PTPRS: variants seen among roughly 807,000 people sequenced by gnomAD.
PTPRS encodes receptor-type tyrosine-protein phosphatase S.
A neutral mutation model predicts 215.3 loss-of-function variants in PTPRS; 63 were observed. The observed-to-expected ratio is 0.29, with a 90% CI of 0.24 to 0.36. The LOEUF is 0.36. PTPRS is among the 10% of genes least tolerant of loss of function. The pLI is 1.00. For missense variants in PTPRS, 2,258 were observed against 2,825.8 expected, an observed-to-expected ratio of 0.80 and a Z score of 4.56; for synonymous variants, 1,404 against 1,191.4, an observed-to-expected ratio of 1.18 and a Z score of -3.68.
rs760172583 is a variant in PTPRS, at chr19:5,239,034, G to A, written c.1734C>T (p.Ser578=). ...TGGGCTTCAGGTCCTCCACCACGTA[G>A]GAAGTCGTCGGGTCGAAGGTCCTTC... The part of the protein sequence containing the change: ...EVGRTFDPTT[S]YVVEDLKPNT... Residue 578 remains serine, a synonymous_variant, in exon 13 of 38, where the codon TCC becomes TCT. Transcript: ENST00000262963. The A allele has an allele frequency of 4.3e-6, 7 of 1,613,516 alleles. No individual in the cohort carries two copies. In the East Asian group the frequency reaches 1.6e-4, roughly 36 times the overall value.
At position 5,244,002 on chromosome 19, in the gene PTPRS, C is replaced by T; in HGVS notation, c.1469G>A (p.Ser490Asn). ...VDDSLLTTVGSLLEDETYTVR... is the reference protein window; with the variant it reads ...VDDSLLTTVGNLLEDETYTVR... ...GGTGTAGGTCTCGTCCTCCAGCAGGCTGCCCACGGTGGTCAGCAGGCTGTC... is the reference window on the plus strand; with the variant it reads ...GGTGTAGGTCTCGTCCTCCAGCAGGTTGCCCACGGTGGTCAGCAGGCTGTC... The change falls in exon 11 of 38, where the codon AGC becomes AAC. Residue 490 changes from serine (S) to asparagine (N), a missense_variant. Transcript: ENST00000262963. The surrounding 1 kb of genome is among the most constrained non-coding windows in gnomAD (Gnocchi z 7.2). 6.8e-7 allele frequency: 1 copy of T among 1,470,756 alleles called. No individual in the cohort carries two copies. The highest frequency in any genetic ancestry group is 9.1e-7 in the Non-Finnish European group (1 of 1,104,744). 91.1% of individuals were successfully genotyped at this position (1,470,756 alleles called of 1,614,324 possible).
chr19:5,291,481 C>T (rs1459008732), intron 1 of PTPRS, among the ~76,000 whole-genome samples: 5 of 152,068 alleles, frequency 3.3e-5, no homozygotes, highest in East Asian at 1.9e-4. Flanking sequence ...CAACTTGAGA[C>T]GCCAAGATCT....
intron 13 of PTPRS, 77 bp from the exon 14 acceptor site, chr19:5,231,692 G>A (rs2043031635): frequency 1.9e-6 from 1 of 525,678 alleles, no homozygotes; most frequent in Non-Finnish European, 3.5e-6. Context: ...GGAAACAAAA[G>A]ATGGGAAAGA....
intron 4 of PTPRS, among the ~76,000 whole-genome samples, chr19:5,266,716 C>A (rs958272134): frequency 4.6e-5 from 7 of 152,132 alleles, no homozygotes; most frequent in African/African-American, 1.7e-4. Flanking sequence ...CTTCTGTGGT[C>A]CGGCCACCCT....
chr19:5,291,264 C>T (rs533222005), intron 1 of PTPRS, among the ~76,000 whole-genome samples: 3 of 152,080 alleles, frequency 2.0e-5, no homozygotes, highest in Non-Finnish European at 4.4e-5. Context: ...GGGTGCTGAG[C>T]CCCATTAAAT....
rs1455256876 is a variant in PTPRS, at chr19:5,210,798, TCTG to T, written c.5239_5241del (p.Gln1747del). On this transcript the variant is annotated inframe_deletion, in exon 34 of 38. Coordinates refer to ENST00000262963, the MANE Select transcript of PTPRS (RefSeq NM_002850.4). The surrounding 1 kb of genome is among the most constrained non-coding windows in gnomAD (Gnocchi z 4.5). ...GGCCCCTGTGTCGCGATGTAGGCCT[TCTG>T]CTGCCTGCAGGCGTTGGGGGTATGA... 1 of 1,613,780 alleles carries T rather than the reference TCTG, an allele frequency of 6.2e-7. No homozygotes were observed. Among genetic ancestry groups the T allele is most frequent in the Admixed American group, 1.7e-5 (1 of 60,020 alleles).
chr19:5,291,134 G>A (rs557009192), intron 1 of PTPRS, among the ~76,000 whole-genome samples: 1 of 152,088 alleles, frequency 6.6e-6, no homozygotes, highest in Non-Finnish European at 1.5e-5. Context: ...TTGGGACGAC[G>A]TGAAGGCTCA....
In PTPRS at chr19:5,257,031, C is replaced by A. The variant is rs1384433484; in HGVS notation, c.707-912G>T. Among the ~76,000 whole-genome samples the A allele has an allele frequency of 6.6e-6, 1 of 151,558 alleles. No homozygotes were observed. Among genetic ancestry groups the A allele is most frequent in the African/African-American group, 2.4e-5 (1 of 41,208 alleles). Reference sequence around the variant, plus strand: ...TAGGGATTGAAGGGCGCCCTGGCATCCTGGCAGAAGCTGTTTCTACCACAA... The same window carrying A: ...TAGGGATTGAAGGGCGCCCTGGCATACTGGCAGAAGCTGTTTCTACCACAA... On this transcript the variant is annotated intron_variant, in intron 8 of 37. Coordinates refer to ENST00000262963, the MANE Select transcript of PTPRS (RefSeq NM_002850.4). This position sits in a 1 kb window ranked among gnomAD's most constrained non-coding sequence, Gnocchi z 4.4.
At chr19:5,251,252 T>C (rs1174965298) in intron 9 of PTPRS, among the ~76,000 whole-genome samples, 1 of 151,942 alleles carries the variant, frequency 6.6e-6, no homozygotes, top group Non-Finnish European at 1.5e-5. Flanking sequence ...TTCTCCATCA[T>C]TTTGCTGTGC....
In PTPRS at chr19:5,257,969, TGGGAC is replaced by T; in HGVS notation, c.706+43_706+47del. 1 of 1,499,890 alleles carries T rather than the reference TGGGAC, an allele frequency of 6.7e-7. No individual in the cohort carries two copies. The highest frequency in any genetic ancestry group is 9.2e-7 in the Non-Finnish European group (1 of 1,091,294). 92.9% of individuals were successfully genotyped at this position (1,499,890 alleles called of 1,614,324 possible). A position where few individuals can be genotyped will look rare whatever the true frequency, so the allele number is the denominator to read the frequency against. On this transcript the variant is annotated intron_variant, in intron 8 of 37. Coordinates refer to ENST00000262963, the MANE Select transcript of PTPRS (RefSeq NM_002850.4). This position sits in a 1 kb window ranked among gnomAD's most constrained non-coding sequence, Gnocchi z 4.4. ...CGGTGAGCCCGAGGAGGGAGGGGGA[TGGGAC>T]GGGGCGGGTCCCTGCCTTTGACCTG...
In PTPRS at chr19:5,210,344, G is replaced by C; in HGVS notation, c.5487+125C>G. The C allele has an allele frequency of 7.1e-7, 1 of 1,412,276 alleles. No homozygotes were observed. The highest frequency in any genetic ancestry group is 2.3e-5 in the East Asian group (1 of 43,282). 87.5% of individuals were successfully genotyped at this position (1,412,276 alleles called of 1,614,324 possible). On this transcript the variant is annotated intron_variant, in intron 35 of 37. Transcript: ENST00000262963. This position sits in a 1 kb window ranked among gnomAD's most constrained non-coding sequence, Gnocchi z 4.5. Reference sequence around the variant, plus strand: ...GAAGCAAGTGGCCAACTGGTCAGCTGACACTTCTCCTGATTCCCAATGCTT... The same window carrying C: ...GAAGCAAGTGGCCAACTGGTCAGCTCACACTTCTCCTGATTCCCAATGCTT...
At position 5,212,361 on chromosome 19, in the gene PTPRS, G is replaced by T; in HGVS notation, c.4745C>A (p.Ala1582Asp). 1 of 1,611,376 alleles carries T rather than the reference G, an allele frequency of 6.2e-7. No individual in the cohort carries two copies. The highest frequency in any genetic ancestry group is 1.1e-5 in the South Asian group (1 of 90,728). The change falls in exon 31 of 38, where the codon GCC becomes GAC. Residue 1582 changes from alanine (A) to aspartate (D), a missense_variant. By Grantham distance (126) the Ala-to-Asp change is moderately radical. This residue lies in a region of PTPRS where 927 missense variants were observed against 1,125.9 expected (regional missense o/e 0.82). Transcript: ENST00000262963. ...CCTGCAGTGAACCACGATGGGGCCG[G>T]CATCTGGCGGGTTGCAGGTCTTGAC... Reference protein sequence around the residue: ...RRVKTCNPPDAGPIVVHCSAG... With the variant: ...RRVKTCNPPDDGPIVVHCSAG...
chr19:5,303,030 A>C (rs901346116), intron 1 of PTPRS, among the ~76,000 whole-genome samples: 1 of 152,082 alleles, frequency 6.6e-6, no homozygotes, highest in Non-Finnish European at 1.5e-5. Flanking sequence ...AGATGGCACC[A>C]CTGCACTCCA....
At chr19:5,240,435 C>G in intron 11 of PTPRS, 103 bp from the exon 12 acceptor site, 2 of 1,206,506 alleles carry the variant, frequency 1.7e-6, no homozygotes, top group South Asian at 3.8e-5. Context: ...GCTCTGGGTG[C>G]TTCTAGAATG....
chr19:5,318,357 A>C (rs1418521134), intron 1 of PTPRS, among the ~76,000 whole-genome samples: 1 of 151,760 alleles, frequency 6.6e-6, no homozygotes, highest in Non-Finnish European at 1.5e-5. Context: ...AAAAAGAAGA[A>C]GAAGAAATGA....
Position 5,228,944 on chromosome 19 carries a change from G to A in PTPRS, c.2376+372C>T, listed in dbSNP as rs572326379. On this transcript the variant is annotated intron_variant, in intron 16 of 37. Coordinates refer to ENST00000262963, the MANE Select transcript of PTPRS (RefSeq NM_002850.4). Reference sequence around the variant, plus strand: ...TTGAGTGACAGTAAAGGGTGGGGCTGGGTCAACAGGAGAGGAGACATACTC... The same window carrying A: ...TTGAGTGACAGTAAAGGGTGGGGCTAGGTCAACAGGAGAGGAGACATACTC... 5.9e-5 allele frequency among the ~76,000 whole-genome samples: 9 copies of A among 152,326 alleles called. No homozygotes were observed. The East Asian group carries it at 1.5e-3, about 26-fold the overall frequency.
At chr19:5,278,122 T>C (rs1780325616) in intron 2 of PTPRS, 1 of 573,176 alleles carries the variant, frequency 1.7e-6, no homozygotes, top group South Asian at 2.0e-5. Flanking sequence ...GGCTGCGCAG[T>C]GAAGAAAATG....
Position 5,305,479 on chromosome 19 carries a change from C to T in PTPRS, c.-94-19245G>A, listed in dbSNP as rs61140609. On this transcript the variant is annotated intron_variant, in intron 1 of 37. Coordinates refer to ENST00000262963, the MANE Select transcript of PTPRS (RefSeq NM_002850.4). ...GGAGGATCACTTGAGCCTTGGAGGT[C>T]GAGGCTGCAGTGAGCTATAATAGTG... Among the ~76,000 whole-genome samples, 210 of 152,030 alleles carry T rather than the reference C, an allele frequency of 1.4e-3. 1 individual carries two copies. The highest frequency in any genetic ancestry group is 4.9e-3 in the African/African-American group (204 of 41,484).
intron 4 of PTPRS, among the ~76,000 whole-genome samples, chr19:5,265,452 C>T (rs1176845493): frequency 1.3e-5 from 2 of 152,216 alleles, no homozygotes; most frequent in Non-Finnish European, 2.9e-5. Flanking sequence ...AGTGATCCTC[C>T]TGCCTCAGCC....
Sources: gnomAD v4.1 joint callset for allele counts (sites outside exome capture counted in the v4.1 genomes callset) on GRCh38, gnomAD v4.1.1 for gene constraint, gnomAD v4.1.1 regional missense constraint, Gnocchi (gnomAD v3.1) non-coding constraint, MANE v1.5 for transcripts, NCBI Gene and HGNC (gene_info 2026-07-23, HGNC 2026-07-21) for gene names.